Variants in NUDT6 observed in about 807,000 individuals in gnomAD.
NUDT6 encodes the protein nudix hydrolase 6, also known as FAD diphosphatase NUDT6.
NUDT6 carries 24 observed loss-of-function variants against 36.8 expected under a neutral mutation model. The observed-to-expected ratio is 0.65, with a 90% CI of 0.47 to 0.92. The LOEUF (loss-of-function observed/expected upper bound fraction) is 0.92, where lower values mean the gene tolerates loss of function less well. Among genes scored for constraint, NUDT6 ranks in the 40% least tolerant of loss-of-function variants. NUDT6 has a pLI of 0.00. For missense variants in NUDT6, 388 were observed against 392.8 expected, an observed-to-expected ratio of 0.99 and a Z score of 0.10; for synonymous variants, 163 against 157.0, an observed-to-expected ratio of 1.04 and a Z score of -0.29.
intron 3 of NUDT6, among the ~76,000 whole-genome samples, chr4:122,907,845 G>A (rs1034353854): frequency 1.3e-5 from 2 of 152,138 alleles, no homozygotes; most frequent in African/African-American, 4.8e-5. Flanking sequence ...GTCTGGATCA[G>A]GACCCCCTTC....
chr4:122,900,104 G>C (rs1165848321), intron 3 of NUDT6, among the ~76,000 whole-genome samples: 4 of 121,258 alleles, frequency 3.3e-5, no homozygotes, highest in Non-Finnish European at 6.3e-5. Context: ...GATTAGTCCT[G>C]TGCGCCAACG....
chr4:122,913,025 C>T (rs1327413285), intron 2 of NUDT6, among the ~76,000 whole-genome samples: 3 of 152,142 alleles, frequency 2.0e-5, no homozygotes, highest in Non-Finnish European at 4.4e-5. Context: ...GGCATCATGC[C>T]AGTGCTCAAA....
chr4:122,908,421 T>C (rs1353703183), intron 3 of NUDT6, among the ~76,000 whole-genome samples: 1 of 152,234 alleles, frequency 6.6e-6, no homozygotes, highest in Non-Finnish European at 1.5e-5. Flanking sequence ...TTCACTTCCT[T>C]AATCAATTGT....
chr4:122,917,224 A>G (rs908487041), intron 2 of NUDT6, among the ~76,000 whole-genome samples: 1 of 152,138 alleles, frequency 6.6e-6, no homozygotes, highest in South Asian at 2.1e-4. Context: ...GTTACTGTTA[A>G]TCTCTTACTG....
upstream of NUDT6, chr4:122,922,803 A>C: frequency 1.7e-6 from 1 of 577,340 alleles, no homozygotes; most frequent in Non-Finnish European, 3.0e-6. Flanking sequence ...CCACTCACTT[A>C]TTTTGTTTGG....
At chr4:122,900,057 A>ACACCCCCC (rs376050692) in intron 3 of NUDT6, among the ~76,000 whole-genome samples, 13 of 88,718 alleles carry the variant, frequency 1.5e-4, no homozygotes, top group South Asian at 1.1e-3. Flanking sequence ...CACCCCCGCC[A>ACACCCCCC]CCCCCCCCCC....
chr4:122,918,668 T>C (rs1727902104), intron 1 of NUDT6: 1 of 152,196 alleles, frequency 6.6e-6, no homozygotes, highest in African/African-American at 2.4e-5. Flanking sequence ...GCTCCTCTCT[T>C]TAAGGACAAT....
intron 3 of NUDT6, among the ~76,000 whole-genome samples, chr4:122,908,662 G>A (rs986779530): frequency 2.0e-5 from 3 of 152,092 alleles, no homozygotes; most frequent in Non-Finnish European, 2.9e-5. Flanking sequence ...CCCAGACCAA[G>A]GTCATTCATT....
chr4:122,901,051 A>G (rs1169800093), intron 3 of NUDT6, among the ~76,000 whole-genome samples: 1 of 152,180 alleles, frequency 6.6e-6, no homozygotes, highest in African/African-American at 2.4e-5. Flanking sequence ...GTAAAATTCC[A>G]TGATCCTTTT....
chr4:122,895,616 T>C (rs1471708293), intron 4 of NUDT6: 2 of 152,228 alleles, frequency 1.3e-5, no homozygotes, highest in Admixed American at 6.5e-5. Flanking sequence ...AGGCAGTTTG[T>C]CAATTTTAAT....
At chr4:122,917,765 C>G in intron 1 of NUDT6, 61 bp from the exon 2 acceptor site, 1 of 1,521,350 alleles carries the variant, frequency 6.6e-7, no homozygotes, top group Non-Finnish European at 9.0e-7. Flanking sequence ...TAAATTAAAA[C>G]TCACCTCAGG....
intron 3 of NUDT6, among the ~76,000 whole-genome samples, chr4:122,908,390 C>T (rs1175115322): frequency 3.9e-5 from 6 of 152,204 alleles, no homozygotes; most frequent in Non-Finnish European, 7.3e-5. Flanking sequence ...TTTCTGCTGA[C>T]TCTAAATTTT....
At chr4:122,902,766 T>C (rs967683127) in intron 3 of NUDT6, among the ~76,000 whole-genome samples, 3 of 152,108 alleles carry the variant, frequency 2.0e-5, no homozygotes, top group Admixed American at 2.0e-4. Flanking sequence ...AATATTGGGG[T>C]AGGGATGAAG....
intron 1 of NUDT6, 148 bp from the exon 2 acceptor site, chr4:122,917,852 G>A: frequency 1.5e-6 from 1 of 649,580 alleles, no homozygotes; most frequent in Non-Finnish European, 2.6e-6. Context: ...GGCACTGGAA[G>A]TACCATGTTT....
chr4:122,895,477 G>A (rs991343985), intron 4 of NUDT6: 4 of 152,214 alleles, frequency 2.6e-5, no homozygotes, highest in Non-Finnish European at 5.9e-5. Flanking sequence ...TCTGCAGAAT[G>A]TGGGTTTTCC....
chr4:122,921,948 C>A (rs1728029741), intron 1 of NUDT6: 1 of 197,126 alleles, frequency 5.1e-6, no homozygotes, highest in Middle Eastern at 1.8e-3. Flanking sequence ...GCTTTAAATA[C>A]GTGGCAGGCA....
intron 4 of NUDT6, chr4:122,893,542 ATTGAAAAG>A: frequency 4.6e-6 from 1 of 216,950 alleles, no homozygotes; most frequent in Non-Finnish European, 9.0e-6. Context: ...AAAAATATAG[ATTGAAAAG>A]TTAAAACATT....
rs770744253 is a variant in NUDT6 at position 122,897,577 on chromosome 4, A to C, written c.553+47T>G. The C allele has an allele frequency of 2.0e-5, 26 of 1,306,008 alleles. 1 individual carries two copies. The highest frequency in any genetic ancestry group is 2.7e-5 in the Non-Finnish European group (24 of 900,460). The allele number at this position is 1,306,008 out of a possible 1,614,324, so 80.9% of individuals were successfully genotyped here. A position where few individuals can be genotyped will look rare whatever the true frequency, so the allele number is the denominator to read the frequency against. On this transcript the variant is annotated intron_variant, in intron 4 of 4. Transcript: ENST00000304430. ...ATAAAGCAAGAAAGTAAACACATTA[A>C]TTTCCTCAACATTTTTAAGCCAATT...
At chr4:122,921,610 A>AAAAACAAACAAACAAAC (rs1728002677) in intron 1 of NUDT6, 1 of 130,468 alleles carries the variant, frequency 7.7e-6, no homozygotes, top group African/African-American at 2.9e-5. Context: ...AAAAAAAAAA[A>AAAAACAAACAAACAAAC]AAAAAAAACA....
Sources: gnomAD v4.1 joint callset for allele counts (sites outside exome capture counted in the v4.1 genomes callset) on GRCh38, gnomAD v4.1.1 for gene constraint, MANE v1.5 for transcripts, NCBI Gene and HGNC (gene_info 2026-07-23, HGNC 2026-07-21) for gene names.